The following IKZF4 variants were observed in gnomAD, a reference collection of about 807,000 sequenced individuals.
IKZF4 encodes zinc finger protein Eos.
In IKZF4, 11 loss-of-function variants were observed where a neutral mutation model predicts 47.7. That is an observed-to-expected ratio of 0.23 (90% CI 0.15 to 0.38). The LOEUF is 0.38. Ranked by LOEUF, IKZF4 falls within the 10% of genes least tolerant of loss-of-function variation. The pLI is 1.00. For missense variants in IKZF4, 557 were observed against 784.9 expected, an observed-to-expected ratio of 0.71 and a Z score of 3.47; for synonymous variants, 298 against 299.4, an observed-to-expected ratio of 1.00 and a Z score of 0.05.
At chr12:56,020,811 C>A, upstream of IKZF4, 1 of 354,418 alleles carries the variant, frequency 2.8e-6, no homozygotes, top group Non-Finnish European at 4.0e-6. Flanking sequence ...AAGGAGGAGG[C>A]TGTCAGTCCC....
chr12:56,013,873 G>A (rs1242233016), intron 2 of IKZF4, among the ~76,000 whole-genome samples: 3 of 152,166 alleles, frequency 2.0e-5, no homozygotes, highest in Admixed American at 6.5e-5. Flanking sequence ...CTGGAGAGCC[G>A]GGAGCAGTGG....
At position 56,023,775 on chromosome 12, in the gene IKZF4, G is replaced by A. The variant is rs1376156167; in HGVS notation, c.181+11G>A. ...CTTTATTTTGTGAAAGTAAGTATGT[G>A]CATAGCTGGGCAATTGGGTAAAGTA... On this transcript the variant is annotated intron_variant, in intron 2 of 7. Coordinates refer to ENST00000547167, the MANE Select transcript of IKZF4 (RefSeq NM_022465.4). The A allele has an allele frequency of 1.2e-6, 2 of 1,611,990 alleles. No individual in the cohort carries two copies. The highest frequency in any genetic ancestry group is 1.7e-6 in the Non-Finnish European group (2 of 1,178,904).
At chr12:56,031,418 G>C (rs188131705) in intron 5 of IKZF4, among the ~76,000 whole-genome samples, 1 of 152,012 alleles carries the variant, frequency 6.6e-6, no homozygotes, top group Admixed American at 6.5e-5. Flanking sequence ...AAAAGAAAGC[G>C]GTTGGAGGAT....
intron 1 of IKZF4, among the ~76,000 whole-genome samples, chr12:56,022,806 T>C (rs1008386470): frequency 3.4e-5 from 5 of 148,760 alleles, no homozygotes; most frequent in African/African-American, 7.4e-5. Context: ...TCTTTTTTTT[T>C]TTTTTTTTTT....
chr12:56,021,916 G>A (rs1893080011), intron 1 of IKZF4: 1 of 357,938 alleles, frequency 2.8e-6, no homozygotes, highest in Non-Finnish European at 5.2e-6. Flanking sequence ...AGGGGTAGTG[G>A]AGAAAATCAA....
rs1391305237 is a variant in IKZF4, at chr12:56,026,962, T to C, written c.468T>C (p.Asn156=). 1.2e-6 allele frequency: 2 copies of C among 1,611,436 alleles called. No homozygotes were observed. The highest frequency in any genetic ancestry group is 1.3e-5 in the African/African-American group (1 of 74,982). Residue 156 remains asparagine, a synonymous_variant, in exon 4 of 8, where the codon AAT becomes AAC. Transcript: ENST00000547167. ...PHSPGGIRLP[N]GKLKCDVCGM... ...CCCCTGGGGGCATCCGGCTGCCCAA[T>C]GGCAAGCTCAAGTGTGACGTCTGCG... is the stretch of plus-strand genomic sequence containing the variant.
intron 5 of IKZF4, chr12:56,029,733 G>A (rs1248770117): frequency 1.3e-5 from 2 of 152,222 alleles, no homozygotes; most frequent in African/African-American, 2.4e-5. Context: ...AGGTAGATGT[G>A]ATTATCCCCA....
Position 56,032,726 on chromosome 12 carries a change from T to C in IKZF4, c.865+16T>C, listed in dbSNP as rs1354764539. 1 of 1,613,728 alleles carries C rather than the reference T, an allele frequency of 6.2e-7. No individual in the cohort carries two copies. Among genetic ancestry groups the C allele is most frequent in the Non-Finnish European group, 8.5e-7 (1 of 1,179,770 alleles). On this transcript the variant is annotated intron_variant, in intron 6 of 7. Transcript: ENST00000547167. Reference sequence around the variant, plus strand: ...GGCCAACCAGGTAGGGCTATTGATGTACTACTGGGGAGTTAAAAGGGGATG... The same window carrying C: ...GGCCAACCAGGTAGGGCTATTGATGCACTACTGGGGAGTTAAAAGGGGATG...
chr12:56,034,442 TGCGAAA>T lies in IKZF4; in HGVS notation c.998-127_998-122del. 3.3e-6 allele frequency: 3 copies of T among 914,914 alleles called. 1 individual carries two copies. The highest frequency in any genetic ancestry group is 4.9e-6 in the Non-Finnish European group (3 of 609,790). 56.7% of individuals were successfully genotyped at this position (914,914 alleles called of 1,614,324 possible). A position where few individuals can be genotyped will look rare whatever the true frequency, so the allele number is the denominator to read the frequency against. On this transcript the variant is annotated intron_variant, in intron 7 of 7. Transcript: ENST00000547167. ...AGCAGTCCCACAAAGGACCTGACCC[TGCGAAA>T]GTAAATGCCACGTAGTAAATAATGT...
At chr12:56,028,080 A>G (rs1592967161) in intron 5 of IKZF4, 133 bp downstream of exon 5, 2 of 1,014,330 alleles carry the variant, frequency 2.0e-6, no homozygotes, top group Non-Finnish European at 2.7e-6. Flanking sequence ...CAGAGCAGAT[A>G]GGGCCCCCTG....
Position 56,021,365 on chromosome 12 carries a change from G to C in IKZF4, c.-129G>C. 1 of 1,545,644 alleles carries C rather than the reference G, an allele frequency of 6.5e-7. No individual in the cohort carries two copies. The highest frequency in any genetic ancestry group is 8.7e-7 in the Non-Finnish European group (1 of 1,146,728). On this transcript the variant is annotated 5_prime_UTR_variant, in exon 1 of 8. Transcript: ENST00000547167. ...TGAGCTGCTCTTGCTGGCTGCAGCCGTGGGCCTCTGCTCACCGTGCCGCTG... is the reference window on the plus strand; with the variant it reads ...TGAGCTGCTCTTGCTGGCTGCAGCCCTGGGCCTCTGCTCACCGTGCCGCTG...
At chr12:56,022,362 C>CT (rs1405177342) in intron 1 of IKZF4, among the ~76,000 whole-genome samples, 2 of 152,176 alleles carry the variant, frequency 1.3e-5, no homozygotes, top group East Asian at 1.9e-4. Context: ...GCTTTGCCCT[C>CT]TGGGGGTTCA....
chr12:56,034,614 T>G lies in IKZF4; in HGVS notation c.1041T>G (p.Asp347Glu). The change falls in exon 8 of 8, where the codon GAT becomes GAG. Residue 347 changes from aspartate (D) to glutamate (E), a missense_variant. By Grantham distance (45) the Asp-to-Glu change is conservative (BLOSUM62 2). Transcript: ENST00000547167. ...TCAGCCTCTCAGACCTCCCCTATGA[T>G]GTGAACTCGGGTGGCTATGAAAAGG... is the stretch of plus-strand genomic sequence containing the variant. ...MRFSLSDLPY[D>E]VNSGGYEKDV... The G allele has an allele frequency of 6.2e-7, 1 of 1,613,876 alleles. No individual in the cohort carries two copies. Among genetic ancestry groups the G allele is most frequent in the Non-Finnish European group, 8.5e-7 (1 of 1,179,796 alleles).
At chr12:56,008,873 C>T (rs1891020087) in intron 1 of IKZF4, among the ~76,000 whole-genome samples, 1 of 151,896 alleles carries the variant, frequency 6.6e-6, no homozygotes, top group South Asian at 2.1e-4. Context: ...ATGGGGGTCT[C>T]ACCATGTTGG....
intron 1 of IKZF4, among the ~76,000 whole-genome samples, chr12:56,022,893 A>G (rs1427719603): frequency 5.7e-5 from 8 of 139,676 alleles, no homozygotes; most frequent in East Asian, 2.1e-4. Context: ...TCCGCCTCCC[A>G]GGTTCACGCC....
In IKZF4 at chr12:56,021,431, G is replaced by C. The variant is rs748992601; in HGVS notation, c.-63G>C. ...TGACGGCGGTTCCCCTCACTTCCAG[G>C]AATCCACGCTTCCTGGAAGGTGAGT... is the stretch of plus-strand genomic sequence containing the variant. On this transcript the variant is annotated 5_prime_UTR_variant, in exon 1 of 8. Coordinates refer to ENST00000547167, the MANE Select transcript of IKZF4 (RefSeq NM_022465.4). 5 of 1,552,336 alleles carry C rather than the reference G, an allele frequency of 3.2e-6. No individual in the cohort carries two copies. The highest frequency in any genetic ancestry group is 4.4e-6 in the Non-Finnish European group (5 of 1,148,178).
intron 5 of IKZF4, among the ~76,000 whole-genome samples, chr12:56,029,295 C>T (rs1894542877): frequency 6.6e-6 from 1 of 152,210 alleles, no homozygotes; most frequent in South Asian, 2.1e-4. Flanking sequence ...CTGTTTGAAT[C>T]AGTATCTGTC....
rs755967108 is a variant in IKZF4 at position 56,027,893 on chromosome 12, A to C, written c.661A>C (p.Asn221His). Residue 221 changes from asparagine to histidine, a missense_variant, in exon 5 of 8, where the codon AAC becomes CAC. Physicochemically the swap from Asn to His is moderately conservative, Grantham distance 68. Around this residue, in one of 6 missense-constraint regions of IKZF4, gnomAD observed 72 missense variants for 112.4 expected, o/e 0.64. Coordinates refer to ENST00000547167, the MANE Select transcript of IKZF4 (RefSeq NM_022465.4). ...GEKPFKCPFC[N>H]YACRRRDALT... Reference sequence around the variant, plus strand: ...GAAGCCCTTTAAATGTCCCTTCTGCAACTATGCCTGCCGCCGGCGTGATGC... The same window carrying C: ...GAAGCCCTTTAAATGTCCCTTCTGCCACTATGCCTGCCGCCGGCGTGATGC... The C allele has an allele frequency of 6.2e-7, 1 of 1,602,826 alleles. No individual in the cohort carries two copies. Among genetic ancestry groups the C allele is most frequent in the Non-Finnish European group, 8.5e-7 (1 of 1,174,124 alleles).
At chr12:56,027,482 G>A (rs190765857) in intron 4 of IKZF4, among the ~76,000 whole-genome samples, 4 of 152,102 alleles carry the variant, frequency 2.6e-5, no homozygotes, top group Non-Finnish European at 5.9e-5. Flanking sequence ...CTTGGGCCTT[G>A]GGCTCCTAGG....
Sources: allele counts gnomAD v4.1 joint callset (sites outside exome capture counted in the v4.1 genomes callset), GRCh38; gene constraint gnomAD v4.1.1; regional missense constraint gnomAD v4.1.1; transcripts MANE v1.5; gene names NCBI Gene and HGNC (gene_info 2026-07-23, HGNC 2026-07-21).